The following NIBAN1 variants were observed in gnomAD, a reference collection of about 807,000 sequenced individuals.
NIBAN1 encodes protein Niban 1.
A neutral mutation model predicts 75.1 loss-of-function variants in NIBAN1; 81 were observed. The ratio of observed to expected loss-of-function variants is 1.08; its 90% CI spans 0.90 to 1.30. The LOEUF (loss-of-function observed/expected upper bound fraction) is 1.30. Ranked by LOEUF, NIBAN1 falls within the 50% of genes most tolerant of loss-of-function variation. NIBAN1 has a pLI of 0.00. For missense variants in NIBAN1, 1,133 were observed against 1,128.1 expected (o/e 1.00, Z -0.06); for synonymous variants, 436 against 424.8 (o/e 1.03, Z -0.32).
At chr1:184,898,937 C>T (rs1266848135) in intron 2 of NIBAN1, among the ~76,000 whole-genome samples, 1 of 152,148 alleles carries the variant, frequency 6.6e-6, no homozygotes, top group Non-Finnish European at 1.5e-5. Context: ...ACAAAGCATC[C>T]ATGTGGGAAA....
chr1:184,870,852 A>G (rs745773531), intron 5 of NIBAN1, among the ~76,000 whole-genome samples: 7 of 152,200 alleles, frequency 4.6e-5, no homozygotes, highest in Non-Finnish European at 1.0e-4. Flanking sequence ...GAATACCTCA[A>G]TGAACTGGCA....
At chr1:184,830,529 A>G (rs1313224582) in intron 6 of NIBAN1, among the ~76,000 whole-genome samples, 1 of 152,226 alleles carries the variant, frequency 6.6e-6, no homozygotes, top group Non-Finnish European at 1.5e-5. Flanking sequence ...GAAGATTCTG[A>G]TGGTAAACAC....
At chr1:184,942,202 G>C (rs1385274807) in intron 1 of NIBAN1, among the ~76,000 whole-genome samples, 1 of 152,168 alleles carries the variant, frequency 6.6e-6, no homozygotes, top group Non-Finnish European at 1.5e-5. Context: ...AGTTATACAG[G>C]CCAAGAAACA....
chr1:184,844,463 C>T (rs1655382243), intron 5 of NIBAN1, among the ~76,000 whole-genome samples: 1 of 152,196 alleles, frequency 6.6e-6, no homozygotes, highest in African/African-American at 2.4e-5. Flanking sequence ...CAATTTACAA[C>T]ATTTCATTTG....
intron 9 of NIBAN1, among the ~76,000 whole-genome samples, chr1:184,809,641 G>GTATA (rs369789591): frequency 3.3e-4 from 45 of 136,996 alleles, no homozygotes; most frequent in Non-Finnish European, 5.4e-4. Flanking sequence ...ATGTGTGTGT[G>GTATA]TATATATATA....
rs956529871 is a variant in NIBAN1 at position 184,925,756 on chromosome 1, T to C, written c.56-26447A>G. ...TTTCTGTTAATCCACTTTTTAACTT[T>C]CTGTTGTTATATTTATAGCTTATTG... On this transcript the variant is annotated intron_variant, in intron 1 of 13. Coordinates refer to ENST00000367511, the MANE Select transcript of NIBAN1 (RefSeq NM_052966.4). Among the ~76,000 whole-genome samples the C allele has an allele frequency of 2.0e-5, 3 of 152,348 alleles. No homozygotes were observed. The East Asian group carries it at 5.8e-4, about 29-fold the overall frequency.
rs560407616 is a variant in NIBAN1, at chr1:184,805,535, T to C, written c.1446+411A>G. On this transcript the variant is annotated intron_variant, in intron 11 of 13. Transcript: ENST00000367511. ...TTTCTTTGGAGTATTTCCTTTGCCA[T>C]GAGGTTCTGATTTTTCAAAATCAAT... is the stretch of plus-strand genomic sequence containing the variant. 4.6e-5 allele frequency among the ~76,000 whole-genome samples: 7 copies of C among 152,364 alleles called. No homozygotes were observed. The South Asian group carries it at 1.4e-3, about 32-fold the overall frequency.
intron 8 of NIBAN1, among the ~76,000 whole-genome samples, chr1:184,819,832 C>T (rs1654645130): frequency 1.3e-5 from 2 of 152,156 alleles, no homozygotes; most frequent in African/African-American, 4.8e-5. Context: ...ACATCAGACC[C>T]TAATTTTCAG....
intron 4 of NIBAN1, among the ~76,000 whole-genome samples, chr1:184,885,992 G>T (rs1337773622): frequency 6.6e-6 from 1 of 151,978 alleles, no homozygotes; most frequent in Non-Finnish European, 1.5e-5. Flanking sequence ...TTCTGTGCTG[G>T]CTTCCCCTCC....
At chr1:184,831,341 C>G (rs78294412) in intron 6 of NIBAN1, among the ~76,000 whole-genome samples, 3,861 of 152,254 alleles carry the variant, frequency 0.025, 126 homozygotes, top group African/African-American at 0.076. Context: ...ATAAAGACAG[C>G]TGCGTACCAA....
At chr1:184,803,485 C>T in intron 12 of NIBAN1, 100 bp downstream of exon 12, 1 of 862,350 alleles carries the variant, frequency 1.2e-6, no homozygotes. Context: ...CCAATCCCTC[C>T]CTGGTCTAGT....
At chr1:184,882,064 G>A (rs181257474) in intron 5 of NIBAN1, among the ~76,000 whole-genome samples, 3 of 152,216 alleles carry the variant, frequency 2.0e-5, no homozygotes, top group East Asian at 1.9e-4. Flanking sequence ...AGAGAAGCAC[G>A]GTGGCCTGAG....
At position 184,796,222 on chromosome 1, in the gene NIBAN1, C is replaced by T. The variant is rs911754568; in HGVS notation, c.1667-125G>A. On this transcript the variant is annotated intron_variant, in intron 13 of 13. Coordinates refer to ENST00000367511, the MANE Select transcript of NIBAN1 (RefSeq NM_052966.4). ...ACCCAGCTTACATCCAGGGAGCCTTCCCTGATGACCAAAGTCTATAAACTC... is the reference window on the plus strand; with the variant it reads ...ACCCAGCTTACATCCAGGGAGCCTTTCCTGATGACCAAAGTCTATAAACTC... 16 of 929,124 alleles carry T rather than the reference C, an allele frequency of 1.7e-5. No homozygotes were observed. The African/African-American group carries it at 2.2e-4, about 13-fold the overall frequency. 57.6% of individuals were successfully genotyped at this position (929,124 alleles called of 1,614,324 possible). A position where few individuals can be genotyped will look rare whatever the true frequency, so the allele number is the denominator to read the frequency against.
chr1:184,799,292 G>A (rs984979175), intron 12 of NIBAN1, among the ~76,000 whole-genome samples: 26 of 150,598 alleles, frequency 1.7e-4, no homozygotes, highest in Non-Finnish European at 3.5e-4. Context: ...AATATGCGGT[G>A]TTTGGTTTTT....
rs766679032 is a variant in NIBAN1 at position 184,884,623 on chromosome 1, C to G, written c.601+10G>C. ...CCCGCCCCGGGGATGAGAGGGGAGC[C>G]GCGCCATACCATGATTGAGATGCCT... On this transcript the variant is annotated intron_variant, in intron 5 of 13. Coordinates refer to ENST00000367511, the MANE Select transcript of NIBAN1 (RefSeq NM_052966.4). 2 of 1,613,550 alleles carry G rather than the reference C, an allele frequency of 1.2e-6. No individual in the cohort carries two copies. The highest frequency in any genetic ancestry group is 1.7e-6 in the Non-Finnish European group (2 of 1,179,662).
intron 1 of NIBAN1, among the ~76,000 whole-genome samples, chr1:184,970,030 A>C (rs898742749): frequency 3.9e-5 from 6 of 151,908 alleles, no homozygotes; most frequent in Non-Finnish European, 8.8e-5. Context: ...CTACCTGGGC[A>C]TGGTGGCACA....
intron 2 of NIBAN1, 25 bp downstream of exon 2, chr1:184,899,154 T>C (rs370553951): frequency 1.1e-5 from 18 of 1,612,768 alleles, no homozygotes; most frequent in Non-Finnish European, 1.4e-5. Context: ...GGGAAATACA[T>C]GTAAACCAAA....
At position 184,794,784 on chromosome 1, in the gene NIBAN1, C is replaced by T; in HGVS notation, c.*193G>A. 1 of 697,170 alleles carries T rather than the reference C, an allele frequency of 1.4e-6. No individual in the cohort carries two copies. The highest frequency in any genetic ancestry group is 2.4e-6 in the Non-Finnish European group (1 of 415,426). 43.2% of individuals were successfully genotyped at this position (697,170 alleles called of 1,614,324 possible). A position where few individuals can be genotyped will look rare whatever the true frequency, so the allele number is the denominator to read the frequency against. On this transcript the variant is annotated 3_prime_UTR_variant, in exon 14 of 14. Transcript: ENST00000367511. The stretch of plus-strand genomic sequence containing the variant: ...TTATTAAAATACTAAAGCAAAAATT[C>T]ATCGTAGAACAATTCATGTCCACAA...
At chr1:184,946,246 C>T (rs1393023794) in intron 1 of NIBAN1, among the ~76,000 whole-genome samples, 1 of 152,204 alleles carries the variant, frequency 6.6e-6, no homozygotes, top group Non-Finnish European at 1.5e-5. Context: ...GCAATTACTT[C>T]TCTTCCAAGA....
Sources: allele counts gnomAD v4.1 joint callset (sites outside exome capture counted in the v4.1 genomes callset), GRCh38; gene constraint gnomAD v4.1.1; transcripts MANE v1.5; gene names NCBI Gene and HGNC (gene_info 2026-07-23, HGNC 2026-07-21).